The following NTN1 variants were observed in gnomAD, a reference collection of about 807,000 sequenced individuals.
The protein encoded by NTN1 is netrin-1.
NTN1 carries 11 observed loss-of-function variants against 54.2 expected under a neutral mutation model. The observed-to-expected ratio is 0.20, with a 90% CI of 0.13 to 0.34. The LOEUF (loss-of-function observed/expected upper bound fraction) is 0.34. Ranked by LOEUF, NTN1 falls within the 10% of genes least tolerant of loss-of-function variation. The pLI is 1.00. For missense variants in NTN1, 740 were observed against 893.1 expected (o/e 0.83, Z 2.18); for synonymous variants, 371 against 382.0 (o/e 0.97, Z 0.33).
intron 5 of NTN1, among the ~76,000 whole-genome samples, chr17:9,195,622 G>C (rs982619832): frequency 6.6e-6 from 1 of 152,138 alleles, no homozygotes; most frequent in African/African-American, 2.4e-5. Context: ...CTCAGAGCTC[G>C]GCCTGAAACC....
At chr17:9,057,199 T>C (rs1175109737) in intron 2 of NTN1, among the ~76,000 whole-genome samples, 1 of 139,592 alleles carries the variant, frequency 7.2e-6, no homozygotes, top group East Asian at 2.3e-4. Context: ...ACCCTCAGCA[T>C]GACCAAAGGA....
intron 2 of NTN1, among the ~76,000 whole-genome samples, chr17:9,131,688 CT>C (rs2092265845): frequency 6.6e-6 from 1 of 151,126 alleles, no homozygotes; most frequent in Non-Finnish European, 1.5e-5. Context: ...TCAAGCGATT[CT>C]TCTGCCTCAG....
intron 2 of NTN1, among the ~76,000 whole-genome samples, chr17:9,031,865 G>A (rs1156426410): frequency 6.6e-6 from 1 of 152,134 alleles, no homozygotes. Flanking sequence ...AGAGGTTGAG[G>A]CAGGAGAATC....
chr17:9,181,112 G>A (rs1421061340), intron 4 of NTN1, among the ~76,000 whole-genome samples: 1 of 152,196 alleles, frequency 6.6e-6, no homozygotes, highest in Non-Finnish European at 1.5e-5. Context: ...CTGAATCAGA[G>A]GCTGAAGCCT....
chr17:9,163,137 C>A, intron 3 of NTN1, 136 bp downstream of exon 3: 1 of 768,340 alleles, frequency 1.3e-6, no homozygotes, highest in Non-Finnish European at 2.0e-6. Context: ...CTCTCTCTTT[C>A]TCTCTCTGTG....
intron 2 of NTN1, among the ~76,000 whole-genome samples, chr17:9,153,638 A>C (rs2092334050): frequency 6.6e-6 from 1 of 152,200 alleles, no homozygotes; most frequent in Non-Finnish European, 1.5e-5. Context: ...TTGAGAGAGC[A>C]GAATGCAGCA....
upstream of NTN1, among the ~76,000 whole-genome samples, chr17:9,021,359 T>G (rs1176559723): frequency 1.8e-5 from 2 of 110,000 alleles, no homozygotes; most frequent in Non-Finnish European, 3.7e-5. Context: ...GCCTGTGCTC[T>G]CCCTCTCGGG....
intron 2 of NTN1, among the ~76,000 whole-genome samples, chr17:9,025,002 AGCCCTTTATTGACATTTAAAG>A (rs2091865419): frequency 6.6e-6 from 1 of 152,100 alleles, no homozygotes; most frequent in Non-Finnish European, 1.5e-5. Flanking sequence ...TGTGCGTAAA[AGCCCTTTATTGACATTTAAAG>A]GGATTCCCAG....
intron 6 of NTN1, among the ~76,000 whole-genome samples, chr17:9,229,718 G>A (rs1370692622): frequency 1.3e-5 from 2 of 152,192 alleles, no homozygotes; most frequent in Non-Finnish European, 2.9e-5. Flanking sequence ...TAGTGGCAGG[G>A]ATGTTGGTGG....
chr17:9,103,239 C>G (rs2092156015), intron 2 of NTN1, among the ~76,000 whole-genome samples: 1 of 152,168 alleles, frequency 6.6e-6, no homozygotes, highest in African/African-American at 2.4e-5. Context: ...CAGCATGATT[C>G]ACAGGAGCCG....
intron 6 of NTN1, among the ~76,000 whole-genome samples, chr17:9,231,061 C>T (rs561339722): frequency 8.5e-5 from 13 of 152,098 alleles, no homozygotes; most frequent in Non-Finnish European, 8.8e-5. Flanking sequence ...CTCAGCCGTG[C>T]CCTGTGTCTC....
At chr17:9,130,615 C>T (rs548719732) in intron 2 of NTN1, among the ~76,000 whole-genome samples, 2 of 152,246 alleles carry the variant, frequency 1.3e-5, no homozygotes, top group East Asian at 1.9e-4. Flanking sequence ...TGCCCTCACT[C>T]GGGGTTTCTT....
chr17:9,107,428 C>A (rs9915260), intron 2 of NTN1, among the ~76,000 whole-genome samples: 1 of 152,118 alleles, frequency 6.6e-6, no homozygotes, highest in African/African-American at 2.4e-5. Context: ...GCACTTACTC[C>A]CCGGTTATGA....
At chr17:9,048,555 A>G (rs183069579) in intron 2 of NTN1, among the ~76,000 whole-genome samples, 1 of 152,316 alleles carries the variant, frequency 6.6e-6, no homozygotes, top group Admixed American at 6.5e-5. Flanking sequence ...TGTCCTTTGA[A>G]GCTAGGCATT....
At chr17:9,231,563 A>T (rs1905813229) in intron 6 of NTN1, among the ~76,000 whole-genome samples, 2 of 152,210 alleles carry the variant, frequency 1.3e-5, no homozygotes, top group Admixed American at 1.3e-4. Context: ...GCTCCACACC[A>T]GGGTGCCCTG....
chr17:9,016,397 T>C, the NTN1 span, among the ~76,000 whole-genome samples: 3 of 152,152 alleles, frequency 2.0e-5, no homozygotes, highest in Non-Finnish European at 4.4e-5. Flanking sequence ...CCAGAGCTGT[T>C]CCACCTCTGG....
At chr17:9,141,046 G>A (rs957081146) in intron 2 of NTN1, among the ~76,000 whole-genome samples, 1 of 152,182 alleles carries the variant, frequency 6.6e-6, no homozygotes, top group Admixed American at 6.5e-5. Flanking sequence ...GGATTTGGGA[G>A]GGAATATCAT....
At chr17:9,148,936 G>A (rs1042975538) in intron 2 of NTN1, among the ~76,000 whole-genome samples, 1 of 152,018 alleles carries the variant, frequency 6.6e-6, no homozygotes, top group South Asian at 2.1e-4. Context: ...GCCCATGGGG[G>A]TAGAGGGGAA....
chr17:9,199,316 A>G (rs1292213572), intron 5 of NTN1, among the ~76,000 whole-genome samples: 2 of 152,032 alleles, frequency 1.3e-5, no homozygotes, highest in Non-Finnish European at 2.9e-5. Flanking sequence ...CTAATTTTGT[A>G]TTTTTAGTAG....
Sources: gnomAD v4.1 joint callset for allele counts (sites outside exome capture counted in the v4.1 genomes callset) on GRCh38, gnomAD v4.1.1 for gene constraint, MANE v1.5 for transcripts, NCBI Gene and HGNC (gene_info 2026-07-23, HGNC 2026-07-21) for gene names.